Variants in ACP3 observed in about 807,000 individuals in gnomAD.
ACP3 encodes prostatic acid phosphatase.
A neutral mutation model predicts 45.6 loss-of-function variants in ACP3; 38 were observed. That is an observed-to-expected ratio of 0.83 (90% CI 0.64 to 1.09). The LOEUF (loss-of-function observed/expected upper bound fraction) is 1.09, where lower values mean the gene tolerates loss of function less well. ACP3 is among the 50% of genes least tolerant of loss of function. ACP3 has a pLI of 0.00. For synonymous variants in ACP3, 162 were observed against 164.7 expected (o/e 0.98, Z 0.13); for missense variants, 466 against 463.2 (o/e 1.01, Z -0.05).
At chr3:132,335,937 G>A (rs953255730) in intron 4 of ACP3, among the ~76,000 whole-genome samples, 1 of 144,820 alleles carries the variant, frequency 6.9e-6, no homozygotes, top group Non-Finnish European at 1.5e-5. Flanking sequence ...GACATGATCT[G>A]ATCGATACTT....
chr3:132,323,142 A>C (rs948593092), intron 1 of ACP3, among the ~76,000 whole-genome samples: 1 of 151,774 alleles, frequency 6.6e-6, no homozygotes, highest in Non-Finnish European at 1.5e-5. Context: ...GCTAAGACAG[A>C]GGGGAAAGAC....
In ACP3 at chr3:132,358,153, G is replaced by C. The variant is rs1211898534; in HGVS notation, c.*1275G>C. The C allele has an allele frequency of 1.6e-6, 1 of 638,404 alleles. No individual in the cohort carries two copies. The highest frequency in any genetic ancestry group is 6.3e-5 in the Admixed American group (1 of 15,970). 39.5% of individuals were successfully genotyped at this position (638,404 alleles called of 1,614,324 possible). A position where few individuals can be genotyped will look rare whatever the true frequency, so the allele number is the denominator to read the frequency against. Reference sequence around the variant, plus strand: ...ACCTGTAATCCTTGCATTTTGGAAGGCTGAGGCAGGAGGATCACTTTAGGC... The same window carrying C: ...ACCTGTAATCCTTGCATTTTGGAAGCCTGAGGCAGGAGGATCACTTTAGGC... On this transcript the variant is annotated 3_prime_UTR_variant, in exon 10 of 10. Coordinates refer to ENST00000336375, the MANE Select transcript of ACP3 (RefSeq NM_001099.5).
intron 6 of ACP3, among the ~76,000 whole-genome samples, chr3:132,343,949 C>G (rs1937578983): frequency 6.6e-6 from 1 of 152,014 alleles, no homozygotes; most frequent in Non-Finnish European, 1.5e-5. Context: ...GCCTGGGCAG[C>G]ATAATGAGGC....
chr3:132,327,382 C>T (rs1024485798), intron 1 of ACP3, among the ~76,000 whole-genome samples: 3 of 150,866 alleles, frequency 2.0e-5, no homozygotes, highest in East Asian at 1.9e-4. Flanking sequence ...GGTGTGGTGG[C>T]GTGTGCCTGT....
chr3:132,357,706 C>G lies in ACP3; in HGVS notation c.*828C>G. On this transcript the variant is annotated 3_prime_UTR_variant, in exon 10 of 10. Transcript: ENST00000336375. Reference sequence around the variant, plus strand: ...GAGAGCACCACGTGATGGAGTTTCTCTAGAAGCTCCAGTGATAAGAGATGT... The same window carrying G: ...GAGAGCACCACGTGATGGAGTTTCTGTAGAAGCTCCAGTGATAAGAGATGT... The G allele has an allele frequency of 1.0e-6, 1 of 985,302 alleles. No individual in the cohort carries two copies. The highest frequency in any genetic ancestry group is 1.2e-6 in the Non-Finnish European group (1 of 829,896). The allele number at this position is 985,302 out of a possible 1,614,324, so 61.0% of individuals were successfully genotyped here. A position where few individuals can be genotyped will look rare whatever the true frequency, so the allele number is the denominator to read the frequency against.
chr3:132,334,802 T>C (rs1040190613), intron 4 of ACP3, among the ~76,000 whole-genome samples: 2 of 152,184 alleles, frequency 1.3e-5, no homozygotes, highest in Non-Finnish European at 2.9e-5. Context: ...AGAAAGGCAG[T>C]GTGATGTTAG....
chr3:132,343,107 T>C (rs2107807340), intron 6 of ACP3, among the ~76,000 whole-genome samples: 1 of 152,358 alleles, frequency 6.6e-6, no homozygotes, highest in East Asian at 1.9e-4. Context: ...ACTTCTTTCT[T>C]GCTTTGCGAT....
At chr3:132,350,984 A>T (rs182282932) in intron 8 of ACP3, among the ~76,000 whole-genome samples, 1 of 152,318 alleles carries the variant, frequency 6.6e-6, no homozygotes, top group East Asian at 1.9e-4. Flanking sequence ...GTTACAAGAA[A>T]AGCTGAGTGT....
intron 7 of ACP3, among the ~76,000 whole-genome samples, chr3:132,345,379 A>C (rs1937597948): frequency 6.6e-6 from 1 of 152,212 alleles, no homozygotes; most frequent in African/African-American, 2.4e-5. Context: ...ATGAAAGCTA[A>C]AGCTAAATGA....
intron 8 of ACP3, among the ~76,000 whole-genome samples, chr3:132,351,119 T>A (rs1024205863): frequency 1.3e-5 from 2 of 152,124 alleles, no homozygotes; most frequent in Non-Finnish European, 2.9e-5. Flanking sequence ...GCAAATGTAC[T>A]GATTAGGCAA....
Position 132,332,069 on chromosome 3 carries a change from A to G in ACP3, c.304-123A>G. 3 of 1,113,866 alleles carry G rather than the reference A, an allele frequency of 2.7e-6. No individual in the cohort carries two copies. In the East Asian group the frequency reaches 7.1e-5, roughly 26 times the overall value. 69.0% of individuals were successfully genotyped at this position (1,113,866 alleles called of 1,614,324 possible). A position where few individuals can be genotyped will look rare whatever the true frequency, so the allele number is the denominator to read the frequency against. On this transcript the variant is annotated intron_variant, in intron 3 of 9. Transcript: ENST00000336375. ...TAACAAGTATTATGATTCTGATGTTAGCACAATGTCTGTAATATTTCACTG... is the reference window on the plus strand; with the variant it reads ...TAACAAGTATTATGATTCTGATGTTGGCACAATGTCTGTAATATTTCACTG...
intron 8 of ACP3, 97 bp from the exon 9 acceptor site, chr3:132,352,623 T>G: frequency 2.4e-6 from 2 of 841,100 alleles, no homozygotes; most frequent in Non-Finnish European, 3.9e-6. Flanking sequence ...TATGGGAAAT[T>G]TAATTGAATC....
At chr3:132,364,961 CTT>C (rs748456978) in intron 10 of ACP3, among the ~76,000 whole-genome samples, 1 of 152,218 alleles carries the variant, frequency 6.6e-6, no homozygotes, top group African/African-American at 2.4e-5. Flanking sequence ...TTGCCTTAAA[CTT>C]ATATTAAATC....
intron 4 of ACP3, among the ~76,000 whole-genome samples, chr3:132,334,573 A>G (rs1937458753): frequency 6.6e-6 from 1 of 152,230 alleles, no homozygotes; most frequent in Non-Finnish European, 1.5e-5. Flanking sequence ...GCCGTCGTTC[A>G]GGTCTTCATA....
intron 2 of ACP3, among the ~76,000 whole-genome samples, chr3:132,330,839 C>A (rs1937387098): frequency 6.6e-6 from 1 of 152,196 alleles, no homozygotes. Flanking sequence ...ATCTGAATCA[C>A]TTGGGAGACT....
intron 8 of ACP3, among the ~76,000 whole-genome samples, chr3:132,350,750 G>A (rs1404725758): frequency 6.6e-6 from 1 of 152,160 alleles, no homozygotes; most frequent in Non-Finnish European, 1.5e-5. Flanking sequence ...TTTAATTGTA[G>A]AAAGAAGCAA....
downstream of ACP3, among the ~76,000 whole-genome samples, chr3:132,360,820 A>G (rs553432492): frequency 1.3e-5 from 2 of 152,334 alleles, no homozygotes; most frequent in South Asian, 4.1e-4. Context: ...TTCAACCTTG[A>G]GCTTCTTAAA....
At chr3:132,365,798 T>C (rs73215956) in intron 10 of ACP3, among the ~76,000 whole-genome samples, 31,812 of 151,764 alleles carry the variant, frequency 0.21, 3,731 homozygotes, top group East Asian at 0.55. Flanking sequence ...GTCAGCCTGG[T>C]CAACATGGTG....
At chr3:132,362,686 T>C (rs1447480736), downstream of ACP3, among the ~76,000 whole-genome samples, 3 of 152,124 alleles carry the variant, frequency 2.0e-5, no homozygotes, top group Non-Finnish European at 4.4e-5. Flanking sequence ...AACTGAAACC[T>C]GAAGGAGAAA....
Sources: gnomAD v4.1 joint callset for allele counts (sites outside exome capture counted in the v4.1 genomes callset) on GRCh38, gnomAD v4.1.1 for gene constraint, MANE v1.5 for transcripts, NCBI Gene and HGNC (gene_info 2026-07-23, HGNC 2026-07-21) for gene names.